NAA35: variants seen among roughly 807,000 people sequenced by gnomAD.
NAA35 encodes MAK10 homolog, amino-acid N-acetyltransferase subunit.
NAA35 carries 18 observed loss-of-function variants against 101.7 expected under a neutral mutation model. The observed-to-expected ratio is 0.18, with a 90% confidence interval of 0.12 to 0.26. The LOEUF (loss-of-function observed/expected upper bound fraction) is 0.26. Among genes scored for constraint, NAA35 ranks in the 10% least tolerant of loss-of-function variants. The pLI is 1.00. For synonymous variants in NAA35, 267 were observed against 273.1 expected (o/e 0.98, Z 0.22); for missense variants, 601 against 886.8 (o/e 0.68, Z 4.09).
At chr9:85,989,429 G>A (rs1232574411) in intron 11 of NAA35, among the ~76,000 whole-genome samples, 1 of 151,880 alleles carries the variant, frequency 6.6e-6, no homozygotes, top group Non-Finnish European at 1.5e-5. Flanking sequence ...TGAGATCGCA[G>A]CATTGTACTT....
chr9:85,973,155 G>A (rs1004744786), intron 6 of NAA35, among the ~76,000 whole-genome samples: 9 of 152,190 alleles, frequency 5.9e-5, no homozygotes, highest in African/African-American at 2.2e-4. Flanking sequence ...TGGTATGTTT[G>A]AATGACAAGA....
At chr9:85,993,365 G>T (rs1397806052) in intron 11 of NAA35, among the ~76,000 whole-genome samples, 1 of 152,162 alleles carries the variant, frequency 6.6e-6, no homozygotes, top group Non-Finnish European at 1.5e-5. Context: ...TAGAGATGGG[G>T]TTTCACCCTG....
chr9:86,011,706 G>C (rs901792430), intron 15 of NAA35, among the ~76,000 whole-genome samples: 1 of 149,018 alleles, frequency 6.7e-6, no homozygotes, highest in East Asian at 2.0e-4. Context: ...ACTCCAACAG[G>C]CAGCTTTTTT....
At chr9:85,941,669 C>T (rs1170747931) in intron 1 of NAA35, 15 of 986,132 alleles carry the variant, frequency 1.5e-5, no homozygotes, top group African/African-American at 3.5e-5. Flanking sequence ...CTCATTGCTC[C>T]CGGCGAGGTT....
At position 86,013,910 on chromosome 9, in the gene NAA35, T is replaced by G; in HGVS notation, c.1568+13T>G. ...ATTACATATATTGGTAAGAGCACAGTTTGAGTTAAAATTGGTGGTGGGTGC... is the reference window on the plus strand; with the variant it reads ...ATTACATATATTGGTAAGAGCACAGGTTGAGTTAAAATTGGTGGTGGGTGC... On this transcript the variant is annotated intron_variant, in intron 17 of 22. Coordinates refer to ENST00000361671, the MANE Select transcript of NAA35 (RefSeq NM_024635.4). 1 of 1,559,046 alleles carries G rather than the reference T, an allele frequency of 6.4e-7. No homozygotes were observed. Among genetic ancestry groups the G allele is most frequent in the Non-Finnish European group, 8.7e-7 (1 of 1,143,450 alleles).
At chr9:86,010,355 C>CTT (rs1028961554) in intron 15 of NAA35, among the ~76,000 whole-genome samples, 4 of 151,850 alleles carry the variant, frequency 2.6e-5, no homozygotes, top group African/African-American at 9.7e-5. Flanking sequence ...TAAATAAAAA[C>CTT]TGTCTCCTCC....
At chr9:85,959,658 A>G in intron 4 of NAA35, 135 bp from the exon 5 acceptor site, 1 of 557,790 alleles carries the variant, frequency 1.8e-6, no homozygotes, top group Non-Finnish European at 3.2e-6. Context: ...TAGTTTTATC[A>G]GATGATAAGA....
intron 5 of NAA35, among the ~76,000 whole-genome samples, chr9:85,961,000 G>A (rs1380808134): frequency 6.6e-6 from 1 of 152,198 alleles, no homozygotes; most frequent in East Asian, 1.9e-4. Flanking sequence ...GAGCCAAGTA[G>A]GAGGAGTGTG....
At chr9:85,957,373 C>T (rs1289466964) in intron 3 of NAA35, among the ~76,000 whole-genome samples, 1 of 152,124 alleles carries the variant, frequency 6.6e-6, no homozygotes, top group African/African-American at 2.4e-5. Context: ...GTTAGTCTTG[C>T]AGTCTCTGGT....
In NAA35 at chr9:86,022,557, G is replaced by T. The variant is rs1289068309; in HGVS notation, c.*597G>T. Among the ~76,000 whole-genome samples, 5 of 152,112 alleles carry T rather than the reference G, an allele frequency of 3.3e-5. No homozygotes were observed. The highest frequency in any genetic ancestry group is 1.5e-5 in the Non-Finnish European group (1 of 68,016). On this transcript the variant is annotated 3_prime_UTR_variant, in exon 23 of 23. Transcript: ENST00000361671. The stretch of plus-strand genomic sequence containing the variant: ...TATATATCTGTAAGAATACAGATGT[G>T]TAAAAAAAATCCTTTTAGCACTTTT...
intron 1 of NAA35, 182 bp downstream of exon 1, chr9:85,941,455 T>G: frequency 1.0e-6 from 1 of 985,416 alleles, no homozygotes; most frequent in Non-Finnish European, 1.2e-6. Flanking sequence ...GGCCCCACTC[T>G]TGCCCGGTGT....
chr9:86,009,111 A>G (rs902992908), intron 14 of NAA35, among the ~76,000 whole-genome samples: 1 of 152,164 alleles, frequency 6.6e-6, no homozygotes, highest in African/African-American at 2.4e-5. Flanking sequence ...TAATGAACAT[A>G]TTTCTTCTAC....
intron 1 of NAA35, 57 bp from the exon 2 acceptor site, chr9:85,942,098 A>C (rs1828544745): frequency 1.3e-6 from 2 of 1,578,440 alleles, no homozygotes; most frequent in South Asian, 2.3e-5. Flanking sequence ...CCATTTCTGC[A>C]AATACTCTTG....
intron 11 of NAA35, among the ~76,000 whole-genome samples, chr9:85,985,080 A>G (rs1830592579): frequency 6.6e-6 from 1 of 152,224 alleles, no homozygotes; most frequent in East Asian, 1.9e-4. Flanking sequence ...TCTTCAGGGA[A>G]ATGCAAATCA....
intron 6 of NAA35, among the ~76,000 whole-genome samples, chr9:85,966,829 G>A (rs371007137): frequency 6.6e-6 from 1 of 152,236 alleles, no homozygotes; most frequent in South Asian, 2.1e-4. Flanking sequence ...TAATTAGGCC[G>A]GGCGCTGTGG....
In NAA35 at chr9:86,013,838, C is replaced by T; in HGVS notation, c.1509C>T (p.Tyr503=). 2 of 1,613,980 alleles carry T rather than the reference C, an allele frequency of 1.2e-6. No homozygotes were observed. Among genetic ancestry groups the T allele is most frequent in the Non-Finnish European group, 1.7e-6 (2 of 1,179,922 alleles). The change falls in exon 17 of 23, where the codon TAC becomes TAT. Residue 503 remains tyrosine, a synonymous_variant. Coordinates refer to ENST00000361671, the MANE Select transcript of NAA35 (RefSeq NM_024635.4). Reference sequence around the variant, plus strand: ...ATAACCTTCGCATTATGATACAGTACCTTCTAAGTGGCTTTGAATTGGAAC... The same window carrying T: ...ATAACCTTCGCATTATGATACAGTATCTTCTAAGTGGCTTTGAATTGGAAC... The part of the protein sequence containing the change: ...LYHNLRIMIQ[Y]LLSGFELELY...
chr9:86,009,182 A>G lies in NAA35; in HGVS notation c.1224-683A>G, dbSNP rs143644714. Reference sequence around the variant, plus strand: ...TGAGAGAGCCTTTTAAAGCTTTTAAAGAGCCTTTTAAAAGCTTTATTTTAA... The same window carrying G: ...TGAGAGAGCCTTTTAAAGCTTTTAAGGAGCCTTTTAAAAGCTTTATTTTAA... On this transcript the variant is annotated intron_variant, in intron 14 of 22. Transcript: ENST00000361671. Among the ~76,000 whole-genome samples, 290 of 152,322 alleles carry G rather than the reference A, an allele frequency of 1.9e-3. 1 individual carries two copies. Among genetic ancestry groups the G allele is most frequent in the African/African-American group, 6.5e-3 (270 of 41,582 alleles).
chr9:85,985,038 A>G (rs1303543639), intron 11 of NAA35, among the ~76,000 whole-genome samples: 1 of 152,246 alleles, frequency 6.6e-6, no homozygotes, highest in African/African-American at 2.4e-5. Flanking sequence ...AAATGGACAA[A>G]AAGTACATGA....
At chr9:86,012,945 C>A in intron 15 of NAA35, 101 bp from the exon 16 acceptor site, 1 of 668,460 alleles carries the variant, frequency 1.5e-6, no homozygotes, top group Non-Finnish European at 2.3e-6. Context: ...ACATACACAG[C>A]ATTTTTTTCC....
Sources: gnomAD v4.1 joint callset for allele counts (sites outside exome capture counted in the v4.1 genomes callset) on GRCh38, gnomAD v4.1.1 for gene constraint, MANE v1.5 for transcripts, NCBI Gene and HGNC (gene_info 2026-07-23, HGNC 2026-07-21) for gene names.